SZT2: variants seen among roughly 807,000 people sequenced by gnomAD.
The protein encoded by SZT2 is SZT2 subunit of KICSTOR complex.
A neutral mutation model predicts 404.2 loss-of-function variants in SZT2; 216 were observed. That is an observed-to-expected ratio of 0.53 (90% CI 0.48 to 0.60). The LOEUF is 0.60. SZT2 is among the 20% of genes least tolerant of loss of function. The pLI, the probability that SZT2 is intolerant of heterozygous loss-of-function variation, is 0.00. For synonymous variants in SZT2, 1,693 were observed against 1,749.9 expected (o/e 0.97, Z 0.81); for missense variants, 3,857 against 4,459.2 (o/e 0.86, Z 3.85).
rs757968273 is a variant in SZT2 at position 43,437,917 on chromosome 1, G to A, written c.6508+15G>A. 6 of 1,613,242 alleles carry A rather than the reference G, an allele frequency of 3.7e-6. No homozygotes were observed. Among genetic ancestry groups the A allele is most frequent in the Non-Finnish European group, 4.2e-6 (5 of 1,179,648 alleles). On this transcript the variant is annotated intron_variant, in intron 46 of 71. Coordinates refer to ENST00000634258, the MANE Select transcript of SZT2 (RefSeq NM_001365999.1). This position sits in a 1 kb window ranked among gnomAD's most constrained non-coding sequence, Gnocchi z 5.3. ...TGGGCAGGCAGGTAAGGTCTGAGGA[G>A]GGGGTAGGGGAGTCGCCACATGAGG...
intron 1 of SZT2, among the ~76,000 whole-genome samples, chr1:43,391,716 G>C (rs1648344365): frequency 6.6e-6 from 1 of 152,112 alleles, no homozygotes; most frequent in South Asian, 2.1e-4. Flanking sequence ...AGATAGTCTA[G>C]GACAACACCG....
chr1:43,443,390 G>A lies in SZT2; in HGVS notation c.8538G>A (p.Leu2846=), dbSNP rs773385269. 2 of 1,614,042 alleles carry A rather than the reference G, an allele frequency of 1.2e-6. No individual in the cohort carries two copies. The highest frequency in any genetic ancestry group is 2.7e-5 in the African/African-American group (2 of 74,918). ...ELETLKQSSR[L]VHYCATAMLF... ...AGACCCTGAAGCAGTCATCCCGCCT[G>A]GTGCATTACTGTGCAACAGCCATGC... Residue 2846 remains leucine, a synonymous_variant, in exon 61 of 72, where the codon CTG becomes CTA. Transcript: ENST00000634258.
chr1:43,448,963 C>T lies in SZT2; in HGVS notation c.10086+235C>T, dbSNP rs570230014. 12 of 521,422 alleles carry T rather than the reference C, an allele frequency of 2.3e-5. No homozygotes were observed. The highest frequency in any genetic ancestry group is 3.8e-5 in the Non-Finnish European group (11 of 291,722). 32.3% of individuals were successfully genotyped at this position (521,422 alleles called of 1,614,324 possible). On this transcript the variant is annotated intron_variant, in intron 70 of 71. Transcript: ENST00000634258. The surrounding 1 kb of genome is among the most constrained non-coding windows in gnomAD (Gnocchi z 4.2). Reference sequence around the variant, plus strand: ...AAGAATACAAGCCTTGGCTTGAGATCCTGAGGGCCAGGCTCTGGAACTGAC... The same window carrying T: ...AAGAATACAAGCCTTGGCTTGAGATTCTGAGGGCCAGGCTCTGGAACTGAC...
chr1:43,454,153 A>C lies in SZT2; in HGVS notation c.*3673A>C. On this transcript the variant is annotated 3_prime_UTR_variant, in exon 72 of 72. Coordinates refer to ENST00000634258, the MANE Select transcript of SZT2 (RefSeq NM_001365999.1). ...GCAATGATGGGACGCGCACTTTAAT[A>C]CTGAGTCTTTCCTCTGATTATAAAA... 2.3e-6 allele frequency: 1 copy of C among 438,450 alleles called. No individual in the cohort carries two copies. Among genetic ancestry groups the C allele is most frequent in the Non-Finnish European group, 3.1e-6 (1 of 319,048 alleles). 27.2% of individuals were successfully genotyped at this position (438,450 alleles called of 1,614,324 possible).
Position 43,421,675 on chromosome 1 carries a change from T to A in SZT2, c.1626+372T>A, listed in dbSNP as rs145224163. On this transcript the variant is annotated intron_variant, in intron 11 of 71. Coordinates refer to ENST00000634258, the MANE Select transcript of SZT2 (RefSeq NM_001365999.1). Reference sequence around the variant, plus strand: ...CAGCCACCATGAACTGTGTACTCCCTGAAGACTACAGCTTCCTTGGTCCTG... The same window carrying A: ...CAGCCACCATGAACTGTGTACTCCCAGAAGACTACAGCTTCCTTGGTCCTG... 1.3e-3 allele frequency among the ~76,000 whole-genome samples: 203 copies of A among 152,338 alleles called. 2 individuals carry two copies. The highest frequency in any genetic ancestry group is 6.8e-3 in the Middle Eastern group (2 of 294).
Position 43,409,449 on chromosome 1 carries a change from G to A in SZT2, c.498+4899G>A, listed in dbSNP as rs568363784. 2.6e-5 allele frequency: 10 copies of A among 379,802 alleles called. 1 individual carries two copies. The highest frequency in any genetic ancestry group is 1.7e-4 in the South Asian group (8 of 47,388). 23.5% of individuals were successfully genotyped at this position (379,802 alleles called of 1,614,324 possible). On this transcript the variant is annotated intron_variant, in intron 4 of 71. Coordinates refer to ENST00000634258, the MANE Select transcript of SZT2 (RefSeq NM_001365999.1). ...TAGTCAGACAAGAGAAAGAAAGAAA[G>A]GTCATCCAAACTGGAAAATAAGTCA...
At position 43,415,950 on chromosome 1, in the gene SZT2, C is replaced by G; in HGVS notation, c.631-10C>G. ...CTGCCCCATTCTGTCTTTTCTGTAA[C>G]TTGGGGCAGGCAGAAGACCAGTCCC... On this transcript the variant is annotated splice_polypyrimidine_tract_variant and intron_variant, in intron 5 of 71. Coordinates refer to ENST00000634258, the MANE Select transcript of SZT2 (RefSeq NM_001365999.1). The G allele has an allele frequency of 6.3e-7, 1 of 1,594,598 alleles. No individual in the cohort carries two copies. The highest frequency in any genetic ancestry group is 8.5e-7 in the Non-Finnish European group (1 of 1,178,230).
chr1:43,442,846 A>C lies in SZT2; in HGVS notation c.8179A>C (p.Met2727Leu), dbSNP rs755144394. 6.2e-7 allele frequency: 1 copy of C among 1,610,230 alleles called. No individual in the cohort carries two copies. The highest frequency in any genetic ancestry group is 1.7e-5 in the Admixed American group (1 of 59,748). ...GCCAAACCCATTCCTGCTGCCGACCATGGAAGTGGAGACCCTCATCCGGAG... is the reference window on the plus strand; with the variant it reads ...GCCAAACCCATTCCTGCTGCCGACCCTGGAAGTGGAGACCCTCATCCGGAG... ...KEPNPFLLPT[M>L]EVETLIRSAS... Residue 2727 changes from methionine (M) to leucine (L), a missense_variant, in exon 59 of 72, where the codon ATG becomes CTG. This residue lies in a region of SZT2 where 573 missense variants were observed against 592.4 expected (regional missense o/e 0.97). Coordinates refer to ENST00000634258, the MANE Select transcript of SZT2 (RefSeq NM_001365999.1). The surrounding 1 kb of genome is among the most constrained non-coding windows in gnomAD (Gnocchi z 4.5).
intron 52 of SZT2, 98 bp downstream of exon 52, chr1:43,440,684 C>T: frequency 7.0e-7 from 1 of 1,422,184 alleles, no homozygotes. Flanking sequence ...TAGGCCTTGC[C>T]ACAGTGTCCT....
chr1:43,439,999 C>T lies in SZT2; in HGVS notation c.7161C>T (p.Ile2387=), dbSNP rs757555991. 13 of 1,614,038 alleles carry T rather than the reference C, an allele frequency of 8.1e-6. No individual in the cohort carries two copies. The highest frequency in any genetic ancestry group is 2.2e-5 in the East Asian group (1 of 44,896). ...GCCAGGCCCTGGCCGATGCCATCAT[C>T]GAGCTTCAGCTGCTGCCAGCTTCAC... ...AARQALADAI[I]ELQLLPASLC... The change falls in exon 51 of 72, where the codon ATC becomes ATT. Residue 2387 remains isoleucine, a synonymous_variant. Transcript: ENST00000634258. The surrounding 1 kb of genome is among the most constrained non-coding windows in gnomAD (Gnocchi z 4.2).
At position 43,445,951 on chromosome 1, in the gene SZT2, C is replaced by G; in HGVS notation, c.8883C>G (p.Ser2961=). Residue 2961 remains serine, a synonymous_variant, in exon 63 of 72, where the codon TCC becomes TCG. Coordinates refer to ENST00000634258, the MANE Select transcript of SZT2 (RefSeq NM_001365999.1). ...GAACAGAGGGTCGAGGCTCCTTCTC[C>G]TGCCCTAAAACCAAGACTGATGGGA... is the stretch of plus-strand genomic sequence containing the variant. ...ILGTEGRGSF[S]CPKTKTDGSP... is the part of the protein sequence containing the mutation. 6.2e-7 allele frequency: 1 copy of G among 1,614,228 alleles called. No homozygotes were observed.
intron 7 of SZT2, 23 bp downstream of exon 7, chr1:43,416,664 G>A (rs762701931): frequency 1.3e-5 from 21 of 1,561,792 alleles, no homozygotes; most frequent in African/African-American, 9.4e-5. Flanking sequence ...TAGGAAGGAC[G>A]AGAGAGATAT....
Position 43,421,294 on chromosome 1 carries a change from C to T in SZT2, c.1617C>T (p.Ser539=), listed in dbSNP as rs1652330707. ...CACTCTTCTACATCCCTCCAGGCTCCACCACCCCGGTGAGTAGCTCTGAAG... is the reference window on the plus strand; with the variant it reads ...CACTCTTCTACATCCCTCCAGGCTCTACCACCCCGGTGAGTAGCTCTGAAG... The part of the protein sequence containing the change: ...GVPLFYIPPG[S]TTPVLSLQPS... Residue 539 remains serine (S), a synonymous_variant, in exon 11 of 72, where the codon TCC becomes TCT. Transcript: ENST00000634258. 6 of 1,598,410 alleles carry T rather than the reference C, an allele frequency of 3.8e-6. No homozygotes were observed. Among genetic ancestry groups the T allele is most frequent in the Non-Finnish European group, 5.1e-6 (6 of 1,179,816 alleles).
At position 43,437,568 on chromosome 1, in the gene SZT2, G is replaced by A. The variant is rs138347651; in HGVS notation, c.6291-27G>A. ...TTAAGGATGGCCTGGGAGGAGGCAT[G>A]TCCAAAGACATGCTGCTCTTTCCCA... On this transcript the variant is annotated intron_variant, in intron 44 of 71. Coordinates refer to ENST00000634258, the MANE Select transcript of SZT2 (RefSeq NM_001365999.1). This position sits in a 1 kb window ranked among gnomAD's most constrained non-coding sequence, Gnocchi z 5.3. 4,501 of 1,614,080 alleles carry A rather than the reference G, an allele frequency of 2.8e-3. 7 individuals carry two copies. The highest frequency in any genetic ancestry group is 3.8e-3 in the Admixed American group (228 of 60,018).
In SZT2 at chr1:43,437,655, C is replaced by T. The variant is rs370166503; in HGVS notation, c.6351C>T (p.Leu2117=). 2.2e-5 allele frequency: 36 copies of T among 1,613,960 alleles called. 1 individual carries two copies. The highest frequency in any genetic ancestry group is 1.7e-4 in the Admixed American group (10 of 59,992). Residue 2117 remains leucine, a synonymous_variant, in exon 45 of 72, where the codon CTC becomes CTT. Transcript: ENST00000634258. This position sits in a 1 kb window ranked among gnomAD's most constrained non-coding sequence, Gnocchi z 5.3. ...AAGGGGATGCGCTGCCCCCTTCCCTCGCTCTGTCCCGAAGCCAAGAGCCCA... is the reference window on the plus strand; with the variant it reads ...AAGGGGATGCGCTGCCCCCTTCCCTTGCTCTGTCCCGAAGCCAAGAGCCCA... ...PWKGDALPPS[L]ALSRSQEPIY...
chr1:43,451,515 G>A lies in SZT2; in HGVS notation c.*1035G>A, dbSNP rs770291655. ...TCTCCGGGGCTGCTGGGCTCCCCTC[G>A]GCCTGGGACCTGTGCCACCTGCACA... On this transcript the variant is annotated 3_prime_UTR_variant, in exon 72 of 72. Transcript: ENST00000634258. 1.7e-5 allele frequency: 27 copies of A among 1,613,956 alleles called. No homozygotes were observed. The highest frequency in any genetic ancestry group is 2.2e-5 in the South Asian group (2 of 91,090).
In SZT2 at chr1:43,420,857, C is replaced by T; in HGVS notation, c.1370C>T (p.Thr457Ile). 6.3e-7 allele frequency: 1 copy of T among 1,598,464 alleles called. No individual in the cohort carries two copies. The highest frequency in any genetic ancestry group is 8.5e-7 in the Non-Finnish European group (1 of 1,179,812). ...WPLEPEGPRV[T>I]RVEVTMEGGY... ...CTGGAGCCTGAGGGCCCTCGAGTAA[C>T]ACGGGTGGAAGTGACGATGGAAGGC... Residue 457 changes from threonine (T) to isoleucine (I), a missense_variant, in exon 10 of 72, where the codon ACA (threonine) becomes ATA (isoleucine). Physicochemically the swap from Thr to Ile is moderately conservative, Grantham distance 89 (BLOSUM62 -1). Transcript: ENST00000634258. The surrounding 1 kb of genome is among the most constrained non-coding windows in gnomAD (Gnocchi z 5.1).
Position 43,454,107 on chromosome 1 carries a change from T to G in SZT2, c.*3627T>G. On this transcript the variant is annotated 3_prime_UTR_variant, in exon 72 of 72. Coordinates refer to ENST00000634258, the MANE Select transcript of SZT2 (RefSeq NM_001365999.1). Reference sequence around the variant, plus strand: ...AGCCGGACGCGAAGCAAGAGAGAGCTGGCTGCCCGAGGGCCCGGTTGCAAT... The same window carrying G: ...AGCCGGACGCGAAGCAAGAGAGAGCGGGCTGCCCGAGGGCCCGGTTGCAAT... 9.5e-7 allele frequency: 1 copy of G among 1,047,266 alleles called. No individual in the cohort carries two copies. The highest frequency in any genetic ancestry group is 1.2e-6 in the Non-Finnish European group (1 of 861,464). 64.9% of individuals were successfully genotyped at this position (1,047,266 alleles called of 1,614,324 possible). A position where few individuals can be genotyped will look rare whatever the true frequency, so the allele number is the denominator to read the frequency against.
In SZT2 at chr1:43,424,633, T is replaced by G; in HGVS notation, c.2472-151T>G. The stretch of plus-strand genomic sequence containing the variant: ...TCTCTCATCCTCACTGGATTTGTTA[T>G]ACCCTGAGGGACCGCCAGTCTAAGC... On this transcript the variant is annotated intron_variant, in intron 16 of 71. Coordinates refer to ENST00000634258, the MANE Select transcript of SZT2 (RefSeq NM_001365999.1). The surrounding 1 kb of genome is among the most constrained non-coding windows in gnomAD (Gnocchi z 4.1). 2.4e-6 allele frequency: 2 copies of G among 844,438 alleles called. No individual in the cohort carries two copies. The highest frequency in any genetic ancestry group is 3.3e-5 in the South Asian group (2 of 60,100). The allele number at this position is 844,438 out of a possible 1,614,324, so 52.3% of individuals were successfully genotyped here.
Sources: gnomAD v4.1 joint callset for allele counts (sites outside exome capture counted in the v4.1 genomes callset) on GRCh38, gnomAD v4.1.1 for gene constraint, gnomAD v4.1.1 regional missense constraint, Gnocchi (gnomAD v3.1) non-coding constraint, MANE v1.5 for transcripts, NCBI Gene and HGNC (gene_info 2026-07-23, HGNC 2026-07-21) for gene names.